AGBL4: variants seen among roughly 807,000 people sequenced by gnomAD.
AGBL4 encodes the protein cytosolic carboxypeptidase 6.
Under a neutral mutation model 66.4 loss-of-function variants are expected in AGBL4, and 58 were observed. The ratio of observed to expected loss-of-function variants is 0.87; its 90% CI spans 0.71 to 1.09. AGBL4 has a LOEUF of 1.09. Ranked by LOEUF, AGBL4 falls within the 50% of genes least tolerant of loss-of-function variation. The probability of loss-of-function intolerance (pLI) is 0.00; values close to 1 mark genes in which losing one functional copy is unlikely to be tolerated. For synonymous variants in AGBL4, 234 were observed against 222.9 expected (o/e 1.05, Z -0.44); for missense variants, 579 against 631.0 (o/e 0.92, Z 0.88).
intron 4 of AGBL4, among the ~76,000 whole-genome samples, chr1:49,063,920 G>A (rs17369068): frequency 6.6e-6 from 1 of 152,162 alleles, no homozygotes; most frequent in African/African-American, 2.4e-5. Flanking sequence ...CATGCATAAA[G>A]GTTCAGAGCA....
At chr1:49,489,550 T>C (rs1461706734) in intron 3 of AGBL4, among the ~76,000 whole-genome samples, 2 of 151,882 alleles carry the variant, frequency 1.3e-5, no homozygotes, top group African/African-American at 4.8e-5. Flanking sequence ...GTGATCCAAT[T>C]TGTCCATTTT....
chr1:48,969,073 T>TCTCC (rs1043806925), intron 5 of AGBL4, among the ~76,000 whole-genome samples: 3 of 151,220 alleles, frequency 2.0e-5, no homozygotes, highest in African/African-American at 4.9e-5. Flanking sequence ...GTGGTCTCTT[T>TCTCC]CTCCCTCCCT....
chr1:48,838,320 T>C (rs1191149084), intron 6 of AGBL4, among the ~76,000 whole-genome samples: 5 of 152,104 alleles, frequency 3.3e-5, no homozygotes, highest in African/African-American at 9.7e-5. Context: ...CCAAACAGCA[T>C]GATACTAGCA....
chr1:48,795,070 C>T (rs1645638153), intron 6 of AGBL4, among the ~76,000 whole-genome samples: 1 of 152,128 alleles, frequency 6.6e-6, no homozygotes, highest in Non-Finnish European at 1.5e-5. Context: ...GATTCTGCAC[C>T]ATATATATCT....
chr1:48,660,663 G>A (rs1646092924), intron 7 of AGBL4, among the ~76,000 whole-genome samples: 1 of 152,220 alleles, frequency 6.6e-6, no homozygotes, highest in Non-Finnish European at 1.5e-5. Flanking sequence ...TATGAATTGT[G>A]TGTCTCATGG....
chr1:49,248,006 C>T (rs1450523671), intron 3 of AGBL4, among the ~76,000 whole-genome samples: 1 of 152,114 alleles, frequency 6.6e-6, no homozygotes, highest in African/African-American at 2.4e-5. Flanking sequence ...GAAACAGTAA[C>T]ATCATTTCTT....
At chr1:48,877,910 C>T (rs1649377740) in intron 5 of AGBL4, among the ~76,000 whole-genome samples, 1 of 152,132 alleles carries the variant, frequency 6.6e-6, no homozygotes, top group South Asian at 2.1e-4. Context: ...CTTACACATT[C>T]ACCAGCACTA....
At chr1:49,808,843 C>T (rs1645033235) in intron 2 of AGBL4, among the ~76,000 whole-genome samples, 1 of 151,638 alleles carries the variant, frequency 6.6e-6, no homozygotes. Context: ...ATATGAAATC[C>T]CCTTGTATAT....
chr1:49,137,745 C>G (rs1489268887), intron 4 of AGBL4, among the ~76,000 whole-genome samples: 1 of 152,066 alleles, frequency 6.6e-6, no homozygotes, highest in Non-Finnish European at 1.5e-5. Flanking sequence ...CACAGAATCT[C>G]AATACTTCAG....
chr1:49,727,861 T>C (rs1649149395), intron 2 of AGBL4, among the ~76,000 whole-genome samples: 1 of 152,178 alleles, frequency 6.6e-6, no homozygotes, highest in African/African-American at 2.4e-5. Flanking sequence ...TAAAACATTA[T>C]GACTTATTAT....
intron 1 of AGBL4, among the ~76,000 whole-genome samples, chr1:49,997,425 C>G (rs1402329169): frequency 6.6e-6 from 1 of 152,058 alleles, no homozygotes; most frequent in African/African-American, 2.4e-5. Flanking sequence ...TCAGACAAAA[C>G]AGACTTTAAA....
At chr1:48,973,203 T>C (rs534820824) in intron 5 of AGBL4, among the ~76,000 whole-genome samples, 1 of 152,284 alleles carries the variant, frequency 6.6e-6, no homozygotes, top group East Asian at 1.9e-4. Flanking sequence ...GGTAGTCCCA[T>C]AACTATTCAT....
At chr1:49,152,201 A>G (rs1318521912) in intron 4 of AGBL4, among the ~76,000 whole-genome samples, 1 of 152,164 alleles carries the variant, frequency 6.6e-6, no homozygotes, top group Non-Finnish European at 1.5e-5. Context: ...TACTTCACAC[A>G]CTTCCTCTAA....
chr1:49,494,771 G>A (rs555062847), intron 3 of AGBL4, among the ~76,000 whole-genome samples: 52 of 151,994 alleles, frequency 3.4e-4, no homozygotes, highest in Non-Finnish European at 5.6e-4. Context: ...ATGATTTATA[G>A]TCCTTTGGGT....
At chr1:48,931,672 A>T (rs1203685398) in intron 5 of AGBL4, among the ~76,000 whole-genome samples, 1 of 152,022 alleles carries the variant, frequency 6.6e-6, no homozygotes, top group Non-Finnish European at 1.5e-5. Flanking sequence ...GGCGTGTGCC[A>T]CCACACCTAA....
intron 2 of AGBL4, among the ~76,000 whole-genome samples, chr1:49,824,204 G>A (rs755713441): frequency 6.6e-5 from 10 of 152,116 alleles, no homozygotes; most frequent in Admixed American, 2.6e-4. Context: ...GCAAAACTCC[G>A]TCTCAAAAAC....
intron 6 of AGBL4, among the ~76,000 whole-genome samples, chr1:48,859,892 A>G (rs1435882873): frequency 6.6e-6 from 1 of 152,220 alleles, no homozygotes; most frequent in Non-Finnish European, 1.5e-5. Context: ...GGAGACAACA[A>G]CAGTAATAAT....
At chr1:49,710,267 G>T (rs1434576048) in intron 2 of AGBL4, among the ~76,000 whole-genome samples, 3 of 152,106 alleles carry the variant, frequency 2.0e-5, no homozygotes, top group African/African-American at 7.2e-5. Flanking sequence ...GCCATAAAAA[G>T]GATGAGTTCA....
At chr1:48,905,157 C>A (rs529700255) in intron 5 of AGBL4, among the ~76,000 whole-genome samples, 1 of 152,172 alleles carries the variant, frequency 6.6e-6, no homozygotes, top group African/African-American at 2.4e-5. Context: ...TCATTGGATG[C>A]AAAGCCCTGT....
Sources: allele counts gnomAD v4.1 joint callset (sites outside exome capture counted in the v4.1 genomes callset), GRCh38; gene constraint gnomAD v4.1.1; transcripts MANE v1.5; gene names NCBI Gene and HGNC (gene_info 2026-07-23, HGNC 2026-07-21).